Variants in ANO2 observed in about 807,000 individuals in gnomAD.
ANO2 encodes anoctamin-2.
ANO2 carries 101 observed loss-of-function variants against 124.2 expected under a neutral mutation model. The observed-to-expected ratio is 0.81, with a 90% CI of 0.69 to 0.96. The LOEUF (loss-of-function observed/expected upper bound fraction) is 0.96. ANO2 is among the 40% of genes least tolerant of loss of function. The pLI is 0.00. For missense variants in ANO2, 1,293 were observed against 1,274.5 expected (o/e 1.01, Z -0.22); for synonymous variants, 486 against 482.5 (o/e 1.01, Z -0.09).
rs1941570938 is a variant in ANO2 at position 5,563,546 on chromosome 12, ACGC to A, written c.2747_2749del (p.Ser916_Val917delinsIle). The A allele has an allele frequency of 1.2e-6, 2 of 1,613,848 alleles. No individual in the cohort carries two copies. The highest frequency in any genetic ancestry group is 2.7e-5 in the African/African-American group (2 of 74,918). On this transcript the variant is annotated inframe_deletion, in exon 25 of 25. Coordinates refer to ENST00000682330, the MANE Select transcript of ANO2 (RefSeq NM_001364791.2). Reference sequence around the variant, plus strand: ...GTCTGGAATCATCCAGTCCACGAGGACGCTCAGGAACATCACGAGGTTCTGCAA... The same window carrying A: ...GTCTGGAATCATCCAGTCCACGAGGATCAGGAACATCACGAGGTTCTGCAA...
intron 1 of ANO2, among the ~76,000 whole-genome samples, chr12:5,944,974 AAAAAC>A (rs949563154): frequency 2.6e-5 from 4 of 151,710 alleles, no homozygotes; most frequent in Non-Finnish European, 5.9e-5. Flanking sequence ...GAGTTAAAAA[AAAAAC>A]AAAACAAAAC....
chr12:5,908,307 A>G lies in ANO2; in HGVS notation c.534+12733T>C, dbSNP rs941181193. 2.0e-5 allele frequency among the ~76,000 whole-genome samples: 3 copies of G among 152,252 alleles called. No individual in the cohort carries two copies. Among genetic ancestry groups the G allele is most frequent in the Admixed American group, 1.3e-4 (2 of 15,292 alleles). On this transcript the variant is annotated intron_variant, in intron 3 of 24. Coordinates refer to ENST00000682330, the MANE Select transcript of ANO2 (RefSeq NM_001364791.2). The surrounding 1 kb of genome is among the most constrained non-coding windows in gnomAD (Gnocchi z 4.7). The stretch of plus-strand genomic sequence containing the variant: ...AAGTGTAAGTTCCCTGGGCTGGAAG[A>G]GCCCAGAAAGAACGGATCAACAGCA...
At chr12:5,564,888 A>C (rs1273147648) in intron 24 of ANO2, among the ~76,000 whole-genome samples, 1 of 152,160 alleles carries the variant, frequency 6.6e-6, no homozygotes, top group African/African-American at 2.4e-5. Context: ...CAGGGAATAC[A>C]AAAGCCTGAG....
intron 1 of ANO2, among the ~76,000 whole-genome samples, chr12:5,935,942 A>G (rs1233552601): frequency 6.6e-6 from 1 of 152,230 alleles, no homozygotes; most frequent in Non-Finnish European, 1.5e-5. Flanking sequence ...AAATATTAGA[A>G]GAAAGAAGCA....
At chr12:5,596,112 T>C (rs1943645929) in intron 20 of ANO2, among the ~76,000 whole-genome samples, 1 of 152,208 alleles carries the variant, frequency 6.6e-6, no homozygotes, top group Admixed American at 6.5e-5. Context: ...ACAAAGATAG[T>C]GCTTATAAAC....
intron 12 of ANO2, among the ~76,000 whole-genome samples, chr12:5,743,543 A>G (rs986688355): frequency 1.3e-4 from 19 of 151,774 alleles, no homozygotes; most frequent in African/African-American, 4.6e-4. Flanking sequence ...GAACAAGTTT[A>G]TTACCCCATA....
chr12:5,589,537 A>AC (rs895202855), intron 20 of ANO2, among the ~76,000 whole-genome samples: 1 of 151,836 alleles, frequency 6.6e-6, no homozygotes, highest in East Asian at 1.9e-4. Context: ...TTATTCAGTT[A>AC]CCCCCCTTTA....
rs138329344 is a variant in ANO2, at chr12:5,667,317, T to C, written c.1546-19516A>G. ...CCACACTTCACAGTTGGTTAGCTCT[T>C]TACAGTTGGCCTAAAACTTCAGTGT... is the stretch of plus-strand genomic sequence containing the variant. On this transcript the variant is annotated intron_variant, in intron 14 of 24. Transcript: ENST00000682330. Among the ~76,000 whole-genome samples, 485 of 152,250 alleles carry C rather than the reference T, an allele frequency of 3.2e-3. 3 individuals are homozygous for C. Among genetic ancestry groups the C allele is most frequent in the African/African-American group, 0.011 (468 of 41,542 alleles).
At chr12:5,634,155 T>C (rs2136936156) in intron 16 of ANO2, among the ~76,000 whole-genome samples, 1 of 152,312 alleles carries the variant, frequency 6.6e-6, no homozygotes, top group South Asian at 2.1e-4. Context: ...AGAGCAGAGC[T>C]GCCCCTGAGG....
At position 5,636,975 on chromosome 12, in the gene ANO2, G is replaced by A. The variant is rs1375431759; in HGVS notation, c.1621-1628C>T. On this transcript the variant is annotated intron_variant, in intron 15 of 24. Transcript: ENST00000682330. This position sits in a 1 kb window ranked among gnomAD's most constrained non-coding sequence, Gnocchi z 4.6. ...GGAGAAAGGTGGCGTTCTCTGGGTA[G>A]AGGAAGGCTGTGTGTGTTTGGGTGT... 1.3e-5 allele frequency among the ~76,000 whole-genome samples: 2 copies of A among 151,906 alleles called. No individual in the cohort carries two copies. Among genetic ancestry groups the A allele is most frequent in the Non-Finnish European group, 2.9e-5 (2 of 67,976 alleles).
At chr12:5,760,739 T>C (rs1419779357) in intron 10 of ANO2, among the ~76,000 whole-genome samples, 1 of 151,886 alleles carries the variant, frequency 6.6e-6, no homozygotes, top group African/African-American at 2.4e-5. Flanking sequence ...AACTTAACCC[T>C]CTCCTCAAAA....
At chr12:5,912,338 C>T (rs1941103972) in intron 3 of ANO2, among the ~76,000 whole-genome samples, 1 of 152,104 alleles carries the variant, frequency 6.6e-6, no homozygotes, top group Non-Finnish European at 1.5e-5. Flanking sequence ...TTTCAAGGCC[C>T]AGCCCTGCTA....
intron 4 of ANO2, among the ~76,000 whole-genome samples, chr12:5,848,145 T>C (rs1408406274): frequency 6.6e-6 from 1 of 152,178 alleles, no homozygotes; most frequent in African/African-American, 2.4e-5. Flanking sequence ...AACTTATTAT[T>C]GAAAACATAG....
At chr12:5,715,703 C>T (rs1001173830) in intron 14 of ANO2, among the ~76,000 whole-genome samples, 3 of 152,294 alleles carry the variant, frequency 2.0e-5, no homozygotes, top group Middle Eastern at 3.4e-3. Flanking sequence ...CGAAAGCTGC[C>T]CCTCTATGCT....
At chr12:5,731,073 T>C (rs1213866007) in intron 14 of ANO2, among the ~76,000 whole-genome samples, 2 of 152,246 alleles carry the variant, frequency 1.3e-5, no homozygotes, top group African/African-American at 2.4e-5. Context: ...TTCCCGTCTA[T>C]GGAATTAAAA....
At chr12:5,832,749 T>A in intron 4 of ANO2, 146 bp from the exon 5 acceptor site, 1 of 947,976 alleles carries the variant, frequency 1.1e-6, no homozygotes, top group Non-Finnish European at 1.5e-6. Context: ...AAGGAGGGCC[T>A]TTCCCTTTTC....
intron 14 of ANO2, among the ~76,000 whole-genome samples, chr12:5,687,297 T>C (rs1376360549): frequency 2.0e-5 from 3 of 152,256 alleles, no homozygotes; most frequent in African/African-American, 4.8e-5. Context: ...CACCTCGTCC[T>C]GTGCCTGGTG....
intron 1 of ANO2, among the ~76,000 whole-genome samples, chr12:5,933,979 G>A (rs190589869): frequency 1.6e-3 from 242 of 152,288 alleles, no homozygotes; most frequent in African/African-American, 5.3e-3. Flanking sequence ...TGGAGGTAAC[G>A]ATGTAGGGAA....
In ANO2 at chr12:5,945,179, C is replaced by T. The variant is rs1342956655; in HGVS notation, c.22+17G>A. 7.8e-7 allele frequency: 1 copy of T among 1,288,754 alleles called. No individual in the cohort carries two copies. The highest frequency in any genetic ancestry group is 5.6e-5 in the East Asian group (1 of 17,970). The allele number at this position is 1,288,754 out of a possible 1,614,324, so 79.8% of individuals were successfully genotyped here. On this transcript the variant is annotated intron_variant, in intron 1 of 24. Transcript: ENST00000682330. ...CACCTGTAGGAGACCAGGACCAGGT[C>T]CAGCCGGAAAACTCACCGCGCGGCC...
Sources: gnomAD v4.1 joint callset for allele counts (sites outside exome capture counted in the v4.1 genomes callset) on GRCh38, gnomAD v4.1.1 for gene constraint, Gnocchi (gnomAD v3.1) non-coding constraint, MANE v1.5 for transcripts, NCBI Gene and HGNC (gene_info 2026-07-23, HGNC 2026-07-21) for gene names.